The following CNNM2 variants were observed in gnomAD, a reference collection of about 807,000 sequenced individuals.
CNNM2 encodes metal transporter CNNM2.
In CNNM2, 12 loss-of-function variants were observed where a neutral mutation model predicts 66.9. The ratio of observed to expected loss-of-function variants is 0.18; its 90% confidence interval spans 0.11 to 0.29. The LOEUF (loss-of-function observed/expected upper bound fraction) is 0.29, where lower values mean the gene tolerates loss of function less well. CNNM2 is among the 10% of genes least tolerant of loss of function. The pLI, the probability that CNNM2 is intolerant of heterozygous loss-of-function variation, is 1.00. For missense variants in CNNM2, 705 were observed against 1,167.7 expected (o/e 0.60, Z 5.77); for synonymous variants, 557 against 501.8 (o/e 1.11, Z -1.47).
rs945195197 is a variant in CNNM2 at position 103,084,877 on chromosome 10, T to C, written c.*7697T>C. The C allele has an allele frequency of 5.3e-5, 8 of 152,198 alleles. No individual in the cohort carries two copies. Among genetic ancestry groups the C allele is most frequent in the Admixed American group, 5.2e-4 (8 of 15,278 alleles). The allele number at this position is 152,198 out of a possible 1,614,324, so 9.4% of individuals were successfully genotyped here. ...TTTCTGGAAACTTATTTTATACTTTTTGAAGGTAATTTAAAAGAGATGATT... is the reference window on the plus strand; with the variant it reads ...TTTCTGGAAACTTATTTTATACTTTCTGAAGGTAATTTAAAAGAGATGATT... On this transcript the variant is annotated 3_prime_UTR_variant, in exon 8 of 8. Transcript: ENST00000369878.
At chr10:102,939,828 G>A (rs1846362113) in intron 1 of CNNM2, among the ~76,000 whole-genome samples, 1 of 152,062 alleles carries the variant, frequency 6.6e-6, no homozygotes, top group East Asian at 1.9e-4. Context: ...AAAATCAGCT[G>A]GGCGTGGCGC....
chr10:103,006,853 A>C (rs568490412), intron 1 of CNNM2, among the ~76,000 whole-genome samples: 11 of 152,212 alleles, frequency 7.2e-5, no homozygotes, highest in Admixed American at 7.2e-4. Flanking sequence ...GGCTGGTCTG[A>C]AATTCCTGGC....
Position 102,920,099 on chromosome 10 carries a change from A to T in CNNM2, c.1619A>T (p.Lys540Ile). 1 of 1,614,126 alleles carries T rather than the reference A, an allele frequency of 6.2e-7. No individual in the cohort carries two copies. Among genetic ancestry groups the T allele is most frequent in the Non-Finnish European group, 8.5e-7 (1 of 1,180,032 alleles). ...GACGCTATGCTGGAAGAATTTAAGA[A>T]AGGTGGGAAATTTTGGTCTCTTTCA... is the stretch of plus-strand genomic sequence containing the variant. ...KLDAMLEEFKKGKSHLAIVQR... is the reference protein window; with the variant it reads ...KLDAMLEEFKIGKSHLAIVQR... The change falls in exon 1 of 8, where the codon AAA (lysine) becomes ATA (isoleucine). Residue 540 changes from lysine (K) to isoleucine (I), a missense_variant and splice_region_variant. Physicochemically the swap from Lys to Ile is moderately radical, Grantham distance 102 (BLOSUM62 -3). This residue lies in a region of CNNM2 where 171 missense variants were observed against 304.8 expected (regional missense o/e 0.56). Coordinates refer to ENST00000369878, the MANE Select transcript of CNNM2 (RefSeq NM_017649.5).
In CNNM2 at chr10:102,965,714, T is replaced by A. The variant is rs72847281; in HGVS notation, c.1621+45613T>A. 0.048 allele frequency among the ~76,000 whole-genome samples: 7,378 copies of A among 152,310 alleles called. 183 individuals carry two copies. Among genetic ancestry groups the A allele is most frequent in the Non-Finnish European group, 0.057 (3,846 of 68,024 alleles). Reference sequence around the variant, plus strand: ...TCATTTGTAGGAGGGTTAAATTCCATCTGACGCAAATTGTGATTTTAAAAA... The same window carrying A: ...TCATTTGTAGGAGGGTTAAATTCCAACTGACGCAAATTGTGATTTTAAAAA... On this transcript the variant is annotated intron_variant, in intron 1 of 7. Coordinates refer to ENST00000369878, the MANE Select transcript of CNNM2 (RefSeq NM_017649.5).
chr10:102,934,006 AC>A (rs1217998372), intron 1 of CNNM2, among the ~76,000 whole-genome samples: 1 of 133,052 alleles, frequency 7.5e-6, no homozygotes, highest in Non-Finnish European at 1.6e-5. Flanking sequence ...GCTTATTTTA[AC>A]TTTTTTTTTT....
At chr10:102,935,467 A>AG (rs1425540230) in intron 1 of CNNM2, among the ~76,000 whole-genome samples, 1 of 152,026 alleles carries the variant, frequency 6.6e-6, no homozygotes, top group Non-Finnish European at 1.5e-5. Flanking sequence ...CTCAAAAAAA[A>AG]CTTTTGTAGT....
At position 103,076,289 on chromosome 10, in the gene CNNM2, G is replaced by C. The variant is rs1355994262; in HGVS notation, c.2418+19G>C. On this transcript the variant is annotated intron_variant, in intron 7 of 7. Coordinates refer to ENST00000369878, the MANE Select transcript of CNNM2 (RefSeq NM_017649.5). Reference sequence around the variant, plus strand: ...TGTTAAGGTGAGAGACGTGAGTGCAGTGTGGCTGGACCTGGCAGTTAGTTG... The same window carrying C: ...TGTTAAGGTGAGAGACGTGAGTGCACTGTGGCTGGACCTGGCAGTTAGTTG... The C allele has an allele frequency of 1.9e-5, 29 of 1,552,468 alleles. No homozygotes were observed. Among genetic ancestry groups the C allele is most frequent in the Admixed American group, 9.8e-5 (5 of 51,048 alleles).
At chr10:103,026,379 C>T (rs898475893) in intron 1 of CNNM2, among the ~76,000 whole-genome samples, 23 of 151,988 alleles carry the variant, frequency 1.5e-4, no homozygotes, top group African/African-American at 2.4e-4. Context: ...GCGGGTGGAT[C>T]GCTTGAGCTC....
chr10:102,923,375 A>G (rs1845728491), intron 1 of CNNM2, among the ~76,000 whole-genome samples: 1 of 152,216 alleles, frequency 6.6e-6, no homozygotes, highest in African/African-American at 2.4e-5. Flanking sequence ...TGAATGAAGT[A>G]TTATCTCCAT....
chr10:102,927,630 T>C, intron 1 of CNNM2: 1 of 510,554 alleles, frequency 2.0e-6, no homozygotes, highest in Non-Finnish European at 3.3e-6. Context: ...CTGTGCGTGG[T>C]GGTGGGTGCT....
intron 1 of CNNM2, among the ~76,000 whole-genome samples, chr10:103,024,731 G>T (rs2064665879): frequency 6.6e-6 from 1 of 152,118 alleles, no homozygotes; most frequent in South Asian, 2.1e-4. Context: ...ACCCACTTCA[G>T]CCTCCCAAAT....
At chr10:103,014,704 AC>A (rs1414647266) in intron 1 of CNNM2, among the ~76,000 whole-genome samples, 2 of 152,172 alleles carry the variant, frequency 1.3e-5, no homozygotes, top group African/African-American at 4.8e-5. Context: ...AAGCGCTTTT[AC>A]ATTTGACAGA....
chr10:102,920,724 G>A (rs1043530894), intron 1 of CNNM2, among the ~76,000 whole-genome samples: 1 of 152,154 alleles, frequency 6.6e-6, no homozygotes, highest in Admixed American at 6.5e-5. Context: ...CATTTTGGAT[G>A]TGACTTCTCT....
In CNNM2 at chr10:102,985,098, CT is replaced by C. The variant is rs547333976; in HGVS notation, c.1622-64601del. Among the ~76,000 whole-genome samples, 369 of 152,112 alleles carry C rather than the reference CT, an allele frequency of 2.4e-3. 2 individuals are homozygous for C. Among genetic ancestry groups the C allele is most frequent in the African/African-American group, 8.3e-3 (345 of 41,514 alleles). ...GAAAAGGAAATAACGAAGGGAAAGTCTTTTTTTTCTTTTTAACTTTCTGCAG... is the reference window on the plus strand; with the variant it reads ...GAAAAGGAAATAACGAAGGGAAAGTCTTTTTTTCTTTTTAACTTTCTGCAG... On this transcript the variant is annotated intron_variant, in intron 1 of 7. Coordinates refer to ENST00000369878, the MANE Select transcript of CNNM2 (RefSeq NM_017649.5).
chr10:102,923,146 A>G lies in CNNM2; in HGVS notation c.1621+3045A>G, dbSNP rs950769898. 7.3e-5 allele frequency among the ~76,000 whole-genome samples: 11 copies of G among 151,702 alleles called. No homozygotes were observed. In the South Asian group the frequency reaches 8.3e-4, roughly 11 times the overall value. On this transcript the variant is annotated intron_variant, in intron 1 of 7. Transcript: ENST00000369878. ...TTCTTCTTCCTTTTTTTTTTCCCCAAGAGACAAGGTCTCACTGTGTTGCCC... is the reference window on the plus strand; with the variant it reads ...TTCTTCTTCCTTTTTTTTTTCCCCAGGAGACAAGGTCTCACTGTGTTGCCC...
chr10:103,046,203 A>G (rs1162481717), intron 1 of CNNM2, among the ~76,000 whole-genome samples: 1 of 152,230 alleles, frequency 6.6e-6, no homozygotes, highest in Non-Finnish European at 1.5e-5. Flanking sequence ...CAGAAAAGTT[A>G]TGTTTGGTCA....
intron 1 of CNNM2, among the ~76,000 whole-genome samples, chr10:103,021,080 A>T (rs988232593): frequency 3.5e-4 from 53 of 152,208 alleles, no homozygotes; most frequent in African/African-American, 1.1e-3. Context: ...TAACAAGGAA[A>T]CTATGCAGAA....
At chr10:102,966,431 C>G (rs1026583630) in intron 1 of CNNM2, among the ~76,000 whole-genome samples, 1 of 152,160 alleles carries the variant, frequency 6.6e-6, no homozygotes, top group African/African-American at 2.4e-5. Flanking sequence ...GAGTTTGAGG[C>G]CAGCCTGGCC....
At chr10:102,942,999 T>G (rs1590284963) in intron 1 of CNNM2, among the ~76,000 whole-genome samples, 1 of 151,750 alleles carries the variant, frequency 6.6e-6, no homozygotes, top group East Asian at 1.9e-4. Flanking sequence ...CTGATGGGGG[T>G]GGATCACCTG....
Sources: allele counts gnomAD v4.1 joint callset (sites outside exome capture counted in the v4.1 genomes callset), GRCh38; gene constraint gnomAD v4.1.1; regional missense constraint gnomAD v4.1.1; transcripts MANE v1.5; gene names NCBI Gene and HGNC (gene_info 2026-07-23, HGNC 2026-07-21).